Variants in LINGO2 observed in about 807,000 individuals in gnomAD.
LINGO2 encodes leucine rich repeat and Ig domain containing 2, also known as leucine-rich repeat and immunoglobulin-like domain-containing nogo receptor-interacting protein 2.
LINGO2 carries 14 observed loss-of-function variants against 30.6 expected under a neutral mutation model. The observed-to-expected ratio is 0.46, with a 90% CI of 0.30 to 0.72. The LOEUF (loss-of-function observed/expected upper bound fraction) is 0.72, where lower values mean the gene tolerates loss of function less well. LINGO2 is among the 30% of genes least tolerant of loss of function. LINGO2 has a pLI of 0.07. For synonymous variants in LINGO2, 317 were observed against 288.5 expected, an observed-to-expected ratio of 1.10 and a Z score of -1.00; for missense variants, 729 against 751.7, an observed-to-expected ratio of 0.97 and a Z score of 0.35.
At chr9:28,743,057 C>T in the LINGO2 span, among the ~76,000 whole-genome samples, 3,866 of 152,056 alleles carry the variant, frequency 0.025, 193 homozygotes, top group African/African-American at 0.086. Flanking sequence ...CTAGTGTCAC[C>T]TGCTTTCAGA....
At chr9:28,139,301 AC>A (rs1827609170) in intron 4 of LINGO2, among the ~76,000 whole-genome samples, 1 of 152,194 alleles carries the variant, frequency 6.6e-6, no homozygotes, top group African/African-American at 2.4e-5. Flanking sequence ...TGTTTAAAAC[AC>A]AGTTTACATA....
chr9:28,025,995 A>G (rs1004043036), intron 4 of LINGO2, among the ~76,000 whole-genome samples: 1 of 152,148 alleles, frequency 6.6e-6, no homozygotes, highest in African/African-American at 2.4e-5. Context: ...CTGCATGATC[A>G]TTTGGGTCTC....
chr9:27,940,153 A>AT, the LINGO2 span: 1 of 151,552 alleles, frequency 6.6e-6, no homozygotes, highest in Non-Finnish European at 1.5e-5. Flanking sequence ...AAATTTTCTT[A>AT]TTTTTTTCCC....
chr9:28,452,470 C>A (rs1298406319), intron 2 of LINGO2, among the ~76,000 whole-genome samples: 2 of 151,762 alleles, frequency 1.3e-5, no homozygotes, highest in Non-Finnish European at 3.0e-5. Context: ...TGAAAAGGCT[C>A]TGACTATTCC....
chr9:28,800,931 C>T, the LINGO2 span, among the ~76,000 whole-genome samples: 22,356 of 151,966 alleles, frequency 0.15, 1,846 homozygotes, highest in East Asian at 0.33. Context: ...GAAAGCCACA[C>T]GTAAAAGCAG....
intron 1 of LINGO2, among the ~76,000 whole-genome samples, chr9:28,646,651 A>C (rs1827856088): frequency 1.3e-5 from 2 of 152,066 alleles, no homozygotes; most frequent in South Asian, 4.1e-4. Flanking sequence ...TGAAGGGAGA[A>C]GATATAGGAT....
At chr9:28,932,090 G>C in the LINGO2 span, among the ~76,000 whole-genome samples, 2 of 68,818 alleles carry the variant, frequency 2.9e-5, no homozygotes, top group Admixed American at 1.8e-4. Flanking sequence ...CTGGGTGACA[G>C]AGCAAGACTC....
chr9:27,959,334 G>A (rs541426136), intron 5 of LINGO2, among the ~76,000 whole-genome samples: 25 of 151,344 alleles, frequency 1.7e-4, no homozygotes, highest in African/African-American at 5.4e-4. Flanking sequence ...ATTCATTTTC[G>A]CTTCCTAAGA....
At chr9:28,413,135 A>G (rs914300786) in intron 2 of LINGO2, among the ~76,000 whole-genome samples, 1 of 152,134 alleles carries the variant, frequency 6.6e-6, no homozygotes, top group Non-Finnish European at 1.5e-5. Context: ...TGTTATTAAT[A>G]AGCCTTCCAG....
intron 5 of LINGO2, among the ~76,000 whole-genome samples, chr9:28,009,334 C>CAGT (rs1414447200): frequency 2.1e-5 from 3 of 140,812 alleles, no homozygotes; most frequent in African/African-American, 8.0e-5. Context: ...GATCTTCTTA[C>CAGT]AGTATCAAAA....
At chr9:28,918,015 G>A in the LINGO2 span, among the ~76,000 whole-genome samples, 1 of 151,988 alleles carries the variant, frequency 6.6e-6, no homozygotes, top group Non-Finnish European at 1.5e-5. Flanking sequence ...AGATCCCTAA[G>A]GTATATTCAG....
chr9:29,170,101 T>A, the LINGO2 span, among the ~76,000 whole-genome samples: 46 of 152,282 alleles, frequency 3.0e-4, no homozygotes, highest in Middle Eastern at 3.4e-3. Flanking sequence ...TACTACTGGG[T>A]ACCTACCCAA....
At chr9:28,315,591 C>T (rs1824814434) in intron 3 of LINGO2, among the ~76,000 whole-genome samples, 1 of 151,928 alleles carries the variant, frequency 6.6e-6, no homozygotes, top group Non-Finnish European at 1.5e-5. Flanking sequence ...TTCATATTAT[C>T]TAGGTTTTAA....
intron 4 of LINGO2, among the ~76,000 whole-genome samples, chr9:28,107,510 A>G (rs1456931291): frequency 1.3e-5 from 2 of 152,116 alleles, no homozygotes; most frequent in Admixed American, 6.6e-5. Flanking sequence ...CTAAAAATCT[A>G]TGACTCTCTC....
At chr9:27,983,010 T>C (rs1291004511) in intron 5 of LINGO2, among the ~76,000 whole-genome samples, 2 of 151,696 alleles carry the variant, frequency 1.3e-5, no homozygotes, top group Non-Finnish European at 2.9e-5. Context: ...ACCTTGCCTC[T>C]CCCCACAATG....
intron 1 of LINGO2, among the ~76,000 whole-genome samples, chr9:28,617,585 G>C (rs1426839240): frequency 6.6e-6 from 1 of 151,994 alleles, no homozygotes; most frequent in South Asian, 2.1e-4. Flanking sequence ...GTGAGCCACC[G>C]CGCCCAGACA....
At chr9:28,626,599 C>T (rs543119649) in intron 1 of LINGO2, among the ~76,000 whole-genome samples, 3 of 152,026 alleles carry the variant, frequency 2.0e-5, no homozygotes, top group Non-Finnish European at 2.9e-5. Flanking sequence ...CAAAAACTTT[C>T]CTTCTTAATG....
the LINGO2 span, among the ~76,000 whole-genome samples, chr9:28,736,361 T>C: frequency 1.3e-5 from 2 of 152,152 alleles, no homozygotes; most frequent in Admixed American, 6.6e-5. Flanking sequence ...AGTATGTGCT[T>C]AGGAGTCAGA....
the LINGO2 span, among the ~76,000 whole-genome samples, chr9:28,851,009 C>T: frequency 1.3e-5 from 2 of 151,930 alleles, no homozygotes; most frequent in African/African-American, 2.4e-5. Flanking sequence ...ACAGTAGTTC[C>T]CTTAAGAGTG....
Sources: gnomAD v4.1 joint callset for allele counts (sites outside exome capture counted in the v4.1 genomes callset) on GRCh38, gnomAD v4.1.1 for gene constraint, MANE v1.5 for transcripts, NCBI Gene and HGNC (gene_info 2026-07-23, HGNC 2026-07-21) for gene names.